Variants in NALCN observed in about 807,000 individuals in gnomAD.
NALCN encodes sodium leak channel, non-selective.
NALCN carries 111 observed loss-of-function variants against 225.3 expected under a neutral mutation model. The ratio of observed to expected loss-of-function variants is 0.49; its 90% CI spans 0.42 to 0.58. The LOEUF is 0.58. Among genes scored for constraint, NALCN ranks in the 20% least tolerant of loss-of-function variants. NALCN has a pLI of 0.00. For synonymous variants in NALCN, 764 were observed against 769.0 expected (o/e 0.99, Z 0.11); for missense variants, 1,378 against 2,202.4 (o/e 0.63, Z 7.49).
At position 101,066,541 on chromosome 13, in the gene NALCN, T is replaced by C. The variant is rs576682493; in HGVS notation, c.4447-980A>G. 6.6e-5 allele frequency among the ~76,000 whole-genome samples: 10 copies of C among 151,972 alleles called. No homozygotes were observed. In the East Asian group the frequency reaches 1.9e-3, roughly 30 times the overall value. On this transcript the variant is annotated intron_variant, in intron 39 of 43. Transcript: ENST00000251127. ...CGGAACACTGGCGACCATGACTGCC[T>C]GCCAGTTACTGACATCTCGGTGTGC... is the stretch of plus-strand genomic sequence containing the variant.
At chr13:101,377,087 G>A (rs1458879601) in intron 4 of NALCN, 31 bp from the exon 5 acceptor site, 1 of 1,613,572 alleles carries the variant, frequency 6.2e-7, no homozygotes. Flanking sequence ...AAATGAGGTT[G>A]GATTTTCCCT....
chr13:101,344,426 GA>G (rs1242754606), intron 7 of NALCN, among the ~76,000 whole-genome samples: 1 of 152,098 alleles, frequency 6.6e-6, no homozygotes, highest in East Asian at 1.9e-4. Context: ...ACTTTAAAAA[GA>G]TACCATCAGC....
intron 15 of NALCN, among the ~76,000 whole-genome samples, chr13:101,158,934 C>A (rs75104051): frequency 1.3e-5 from 2 of 152,264 alleles, no homozygotes; most frequent in South Asian, 4.1e-4. Flanking sequence ...AATAAGAGGA[C>A]CACCAGTCAT....
intron 14 of NALCN, among the ~76,000 whole-genome samples, chr13:101,184,203 A>G (rs936634751): frequency 6.6e-6 from 1 of 152,202 alleles, no homozygotes; most frequent in Admixed American, 6.5e-5. Flanking sequence ...TTTAGCATTG[A>G]CAATGCATTC....
intron 13 of NALCN, among the ~76,000 whole-genome samples, chr13:101,220,216 T>C (rs1029792933): frequency 6.6e-6 from 1 of 152,212 alleles, no homozygotes; most frequent in Non-Finnish European, 1.5e-5. Flanking sequence ...TGATTTTTCT[T>C]GCAGAAAATT....
Position 101,294,711 on chromosome 13 carries a change from T to C in NALCN, c.800-2345A>G, listed in dbSNP as rs377765222. On this transcript the variant is annotated intron_variant, in intron 7 of 43. Coordinates refer to ENST00000251127, the MANE Select transcript of NALCN (RefSeq NM_052867.4). The stretch of plus-strand genomic sequence containing the variant: ...TAGTTTAGTGAGGGATTTAGAGTCA[T>C]TTGATTATGAAGTGAGATGGTCACA... Among the ~76,000 whole-genome samples the C allele has an allele frequency of 5.9e-5, 9 of 152,086 alleles. No individual in the cohort carries two copies. In the South Asian group the frequency reaches 1.9e-3, roughly 32 times the overall value.
intron 13 of NALCN, among the ~76,000 whole-genome samples, chr13:101,226,388 A>T (rs2041142519): frequency 6.6e-6 from 1 of 152,184 alleles, no homozygotes; most frequent in Non-Finnish European, 1.5e-5. Flanking sequence ...CCTGAGCAAA[A>T]TTGGCCAGAA....
At chr13:101,080,765 A>ATGAT (rs2033598572) in intron 34 of NALCN, among the ~76,000 whole-genome samples, 1 of 119,506 alleles carries the variant, frequency 8.4e-6, no homozygotes, top group Admixed American at 8.0e-5. Context: ...ATAATTAATT[A>ATGAT]TTATTTATTT....
intron 13 of NALCN, among the ~76,000 whole-genome samples, chr13:101,215,968 A>G (rs910249147): frequency 6.6e-6 from 1 of 151,996 alleles, no homozygotes; most frequent in African/African-American, 2.4e-5. Flanking sequence ...CAACCTATTC[A>G]CAGGAATGAC....
intron 3 of NALCN, among the ~76,000 whole-genome samples, chr13:101,380,049 A>T (rs1156786603): frequency 6.6e-6 from 1 of 151,220 alleles, no homozygotes; most frequent in Non-Finnish European, 1.5e-5. Flanking sequence ...CATCTACAGA[A>T]CTTTCCACTG....
rs142316304 is a variant in NALCN at position 101,124,805 on chromosome 13, T to A, written c.2119-124A>T. The A allele has an allele frequency of 3.6e-4, 308 of 866,460 alleles. No individual in the cohort carries two copies. In the East Asian group the frequency reaches 5.0e-3, roughly 14 times the overall value. The allele number at this position is 866,460 out of a possible 1,614,324, so 53.7% of individuals were successfully genotyped here. ...AATATGTTTCGCTAAAGCATCATCG[T>A]ACAATTGACAATTCTTGTCTATTTT... On this transcript the variant is annotated intron_variant, in intron 17 of 43. Transcript: ENST00000251127.
chr13:101,180,315 C>A (rs1263179728), intron 14 of NALCN: 1 of 151,256 alleles, frequency 6.6e-6, no homozygotes, highest in Non-Finnish European at 1.5e-5. Flanking sequence ...AAGCGATCCT[C>A]CCACCTCAGC....
At position 101,062,038 on chromosome 13, in the gene NALCN, G is replaced by A; in HGVS notation, c.4685C>T (p.Thr1562Ile). 2 of 1,614,126 alleles carry A rather than the reference G, an allele frequency of 1.2e-6. No individual in the cohort carries two copies. Among genetic ancestry groups the A allele is most frequent in the Non-Finnish European group, 1.7e-6 (2 of 1,180,014 alleles). ...ELLAREQLEY[T>I]IEEEVAKQTI... The stretch of plus-strand genomic sequence containing the variant: ...CTGCTTGGCCACCTCCTCCTCTATG[G>A]TGTACTCCAGCTGCTCCCTCGCCAG... Residue 1562 changes from threonine to isoleucine, a missense_variant, in exon 41 of 44, where the codon ACC (threonine) becomes ATC (isoleucine). Thr to Ile is a moderately conservative substitution (Grantham distance 89, BLOSUM62 -1). Coordinates refer to ENST00000251127, the MANE Select transcript of NALCN (RefSeq NM_052867.4).
At chr13:101,072,506 A>C (rs772574459) in intron 37 of NALCN, among the ~76,000 whole-genome samples, 1 of 152,186 alleles carries the variant, frequency 6.6e-6, no homozygotes, top group Non-Finnish European at 1.5e-5. Context: ...CAGCCAGATA[A>C]ACTAGCTCTC....
chr13:101,146,899 C>A (rs1005519800), intron 15 of NALCN, among the ~76,000 whole-genome samples: 1 of 151,852 alleles, frequency 6.6e-6, no homozygotes. Context: ...GAACAGAGTG[C>A]TCGGAAACAC....
chr13:101,310,658 A>G (rs1566561072), intron 7 of NALCN, among the ~76,000 whole-genome samples: 1 of 152,048 alleles, frequency 6.6e-6, no homozygotes, highest in Non-Finnish European at 1.5e-5. Context: ...CCTTTGGTAG[A>G]ATTTGTCAAC....
intron 30 of NALCN, among the ~76,000 whole-genome samples, chr13:101,084,435 C>G (rs1301838943): frequency 1.3e-5 from 2 of 151,896 alleles, no homozygotes; most frequent in African/African-American, 2.4e-5. Flanking sequence ...ATTTTAAAAA[C>G]TAGACAAAAA....
At chr13:101,249,771 T>A (rs1222405419) in intron 11 of NALCN, among the ~76,000 whole-genome samples, 1 of 152,054 alleles carries the variant, frequency 6.6e-6, no homozygotes, top group East Asian at 1.9e-4. Flanking sequence ...AAGGCATCTA[T>A]AAAAACCTAC....
rs143678036 is a variant in NALCN at position 101,152,669 on chromosome 13, T to C, written c.1840-7773A>G. On this transcript the variant is annotated intron_variant, in intron 15 of 43. Transcript: ENST00000251127. ...TTTTGCTCATATTATTGTCCTTTAA[T>C]ATCCCATTAATGTAATTAATAATTT... Among the ~76,000 whole-genome samples, 1,053 of 152,310 alleles carry C rather than the reference T, an allele frequency of 6.9e-3. 6 individuals carry two copies. The highest frequency in any genetic ancestry group is 0.024 in the African/African-American group (989 of 41,556).
Sources: allele counts gnomAD v4.1 joint callset (sites outside exome capture counted in the v4.1 genomes callset), GRCh38; gene constraint gnomAD v4.1.1; transcripts MANE v1.5; gene names NCBI Gene and HGNC (gene_info 2026-07-23, HGNC 2026-07-21).